Variants in ABTB3 observed in about 807,000 individuals in gnomAD.
ABTB3 encodes the protein ankyrin repeat- and BTB/POZ domain-containing protein 3.
the ABTB3 span, among the ~76,000 whole-genome samples, chr12:107,533,213 T>C: frequency 6.6e-6 from 1 of 152,114 alleles, no homozygotes; most frequent in Admixed American, 6.6e-5. Flanking sequence ...CAATATTATA[T>C]ACAATATACA....
At chr12:107,618,449 G>A in the ABTB3 span, 27 of 1,245,210 alleles carry the variant, frequency 2.2e-5, no homozygotes, top group East Asian at 5.0e-5. Flanking sequence ...ACATGAACAC[G>A]CACATGCGCG....
the ABTB3 span, among the ~76,000 whole-genome samples, chr12:107,356,384 G>C: frequency 6.6e-6 from 1 of 152,104 alleles, no homozygotes; most frequent in East Asian, 1.9e-4. Flanking sequence ...AGATCGGAAG[G>C]AATCCTCTTT....
the ABTB3 span, among the ~76,000 whole-genome samples, chr12:107,386,200 C>T: frequency 1.4e-4 from 21 of 152,230 alleles, no homozygotes; most frequent in Admixed American, 1.0e-3. Context: ...CTCCTTCAGG[C>T]CTCAATCAAT....
the ABTB3 span, among the ~76,000 whole-genome samples, chr12:107,440,968 G>A: frequency 6.6e-6 from 1 of 152,138 alleles, no homozygotes; most frequent in Non-Finnish European, 1.5e-5. Flanking sequence ...GAAGTGACTT[G>A]CTCAGATCAC....
the ABTB3 span, among the ~76,000 whole-genome samples, chr12:107,412,176 C>T: frequency 3.4e-3 from 525 of 152,260 alleles, 5 homozygotes; most frequent in African/African-American, 0.012. Flanking sequence ...TAATGAGTAC[C>T]GGAGACTGTG....
At chr12:107,540,823 C>A in the ABTB3 span, among the ~76,000 whole-genome samples, 10 of 151,922 alleles carry the variant, frequency 6.6e-5, no homozygotes, top group African/African-American at 2.4e-4. Context: ...ATCTCCACTA[C>A]AAAAAATTAA....
chr12:107,503,144 C>T, the ABTB3 span, among the ~76,000 whole-genome samples: 37 of 152,224 alleles, frequency 2.4e-4, no homozygotes, highest in South Asian at 1.0e-3. Context: ...AGGGAAGGAA[C>T]GGGTGAGGCA....
chr12:107,573,990 C>T, the ABTB3 span, among the ~76,000 whole-genome samples: 3 of 152,262 alleles, frequency 2.0e-5, no homozygotes, highest in East Asian at 5.8e-4. Flanking sequence ...GTGTCTTTCT[C>T]GAGTGTTTAT....
At chr12:107,551,455 T>G in the ABTB3 span, among the ~76,000 whole-genome samples, 1 of 152,238 alleles carries the variant, frequency 6.6e-6, no homozygotes, top group Non-Finnish European at 1.5e-5. Context: ...TGGTAAAAAC[T>G]GCTGTAGCTC....
At chr12:107,331,875 G>A in the ABTB3 span, among the ~76,000 whole-genome samples, 6 of 152,334 alleles carry the variant, frequency 3.9e-5, no homozygotes, top group East Asian at 3.9e-4. Flanking sequence ...GTGGATGGAG[G>A]GCAGGGGCCT....
chr12:107,508,478 G>A, the ABTB3 span, among the ~76,000 whole-genome samples: 2 of 63,824 alleles, frequency 3.1e-5, no homozygotes, highest in African/African-American at 1.0e-4. Flanking sequence ...TGGAGACAGA[G>A]TCTCGCCCTG....
At chr12:107,476,971 G>A in the ABTB3 span, among the ~76,000 whole-genome samples, 2 of 152,156 alleles carry the variant, frequency 1.3e-5, no homozygotes, top group East Asian at 1.9e-4. Context: ...CTGAAGAAAA[G>A]CAGCTCTGTT....
the ABTB3 span, among the ~76,000 whole-genome samples, chr12:107,418,311 C>T: frequency 2.3e-4 from 35 of 152,338 alleles, no homozygotes; most frequent in African/African-American, 8.4e-4. Context: ...AGCTTTGGGA[C>T]TCGGACTGGC....
At chr12:107,532,531 A>G in the ABTB3 span, among the ~76,000 whole-genome samples, 2 of 152,258 alleles carry the variant, frequency 1.3e-5, no homozygotes, top group Non-Finnish European at 2.9e-5. Flanking sequence ...ATACATCTAC[A>G]GCAAAAAGTC....
At chr12:107,494,441 C>T in the ABTB3 span, among the ~76,000 whole-genome samples, 3 of 152,176 alleles carry the variant, frequency 2.0e-5, no homozygotes, top group Non-Finnish European at 4.4e-5. Flanking sequence ...ATCAAAGGGA[C>T]TCCCTTCATG....
the ABTB3 span, among the ~76,000 whole-genome samples, chr12:107,645,965 A>G: frequency 1.3e-5 from 2 of 152,242 alleles, no homozygotes; most frequent in Non-Finnish European, 2.9e-5. Context: ...AGGAGGGCTG[A>G]ATGCGACCCA....
chr12:107,532,143 C>T, the ABTB3 span, among the ~76,000 whole-genome samples: 108 of 152,356 alleles, frequency 7.1e-4, no homozygotes, highest in Non-Finnish European at 1.2e-3. Context: ...AGCATCAGTA[C>T]CCAAACACAG....
At chr12:107,385,744 ACCCCCCCAAGC>A in the ABTB3 span, among the ~76,000 whole-genome samples, 1 of 151,654 alleles carries the variant, frequency 6.6e-6, no homozygotes, top group South Asian at 2.1e-4. Context: ...AGCTACGTGC[ACCCCCCCAAGC>A]CCTGACTCAA....
chr12:107,335,347 A>C, the ABTB3 span, among the ~76,000 whole-genome samples: 1 of 136,208 alleles, frequency 7.3e-6, no homozygotes, highest in Non-Finnish European at 1.6e-5. Flanking sequence ...CGATGTACTT[A>C]TTGGGAACCA....
Sources: allele counts gnomAD v4.1 joint callset (sites outside exome capture counted in the v4.1 genomes callset), GRCh38; gene constraint gnomAD v4.1.1; transcripts MANE v1.5; gene names NCBI Gene and HGNC (gene_info 2026-07-23, HGNC 2026-07-21).